WBP1L: variants seen among roughly 807,000 people sequenced by gnomAD.
WBP1L encodes WW domain binding protein 1-like.
In WBP1L, 17 loss-of-function variants were observed where a neutral mutation model predicts 33.7. The ratio of observed to expected loss-of-function variants is 0.50; its 90% CI spans 0.34 to 0.76. The LOEUF (loss-of-function observed/expected upper bound fraction) is 0.76, where lower values mean the gene tolerates loss of function less well. Among genes scored for constraint, WBP1L ranks in the 30% least tolerant of loss-of-function variants. WBP1L has a pLI of 0.01. For synonymous variants in WBP1L, 173 were observed against 190.8 expected (o/e 0.91, Z 0.77); for missense variants, 389 against 469.4 (o/e 0.83, Z 1.58).
At chr10:102,787,112 A>G (rs1340482533) in intron 1 of WBP1L, among the ~76,000 whole-genome samples, 1 of 152,214 alleles carries the variant, frequency 6.6e-6, no homozygotes, top group Non-Finnish European at 1.5e-5. Context: ...ATAAAAATCC[A>G]TTCCTAGTGT....
At chr10:102,754,884 T>TATTC (rs1305824136) in intron 1 of WBP1L, among the ~76,000 whole-genome samples, 1 of 79,616 alleles carries the variant, frequency 1.3e-5, no homozygotes, top group East Asian at 2.4e-4. Flanking sequence ...TTGTTTTATT[T>TATTC]ATTTATTTAT....
Position 102,812,923 on chromosome 10 carries a change from C to T in WBP1L, c.684C>T (p.Asp228=), listed in dbSNP as rs761279147. 3 of 1,589,146 alleles carry T rather than the reference C, an allele frequency of 1.9e-6. No homozygotes were observed. Among genetic ancestry groups the T allele is most frequent in the Non-Finnish European group, 2.6e-6 (3 of 1,165,122 alleles). The change falls in exon 4 of 4, where the codon GAC becomes GAT. Residue 228 remains aspartate (D), a synonymous_variant. Transcript: ENST00000448841. The stretch of plus-strand genomic sequence containing the variant: ...CTGTGGCTGGCCTGGGGGAGCTGGA[C>T]CCGGGGGCCTTCCTGGACAAAGATG... ...SGSVAGLGEL[D]PGAFLDKDAE...
At position 102,744,306 on chromosome 10, in the gene WBP1L, G is replaced by A. The variant is rs999776999; in HGVS notation, c.90+163G>A. On this transcript the variant is annotated intron_variant, in intron 1 of 3. Coordinates refer to ENST00000448841, the MANE Select transcript of WBP1L (RefSeq NM_001083913.2). ...AAAGGGGCGTCGGTATTTAGCTGAGGGACACCTGTGACAGTTTTGGTGTCA... is the reference window on the plus strand; with the variant it reads ...AAAGGGGCGTCGGTATTTAGCTGAGAGACACCTGTGACAGTTTTGGTGTCA... 12 of 928,944 alleles carry A rather than the reference G, an allele frequency of 1.3e-5. No homozygotes were observed. In the African/African-American group the frequency reaches 2.1e-4, roughly 17 times the overall value. The allele number at this position is 928,944 out of a possible 1,614,324, so 57.5% of individuals were successfully genotyped here. A position where few individuals can be genotyped will look rare whatever the true frequency, so the allele number is the denominator to read the frequency against.
intron 1 of WBP1L, among the ~76,000 whole-genome samples, chr10:102,751,643 A>C (rs1202388808): frequency 2.6e-5 from 4 of 152,206 alleles, no homozygotes; most frequent in Non-Finnish European, 5.9e-5. Flanking sequence ...TAAACTAAAT[A>C]GCTGTATGTA....
intron 2 of WBP1L, among the ~76,000 whole-genome samples, chr10:102,806,548 G>A (rs1452411136): frequency 6.6e-6 from 1 of 152,120 alleles, no homozygotes; most frequent in Non-Finnish European, 1.5e-5. Context: ...AGAAACATAA[G>A]TTAAGCAAGT....
chr10:102,807,431 G>A (rs1371764576), intron 2 of WBP1L, among the ~76,000 whole-genome samples: 1 of 151,986 alleles, frequency 6.6e-6, no homozygotes, highest in Non-Finnish European at 1.5e-5. Context: ...AGGCTGGAGT[G>A]CAGTGGCGTG....
intron 3 of WBP1L, among the ~76,000 whole-genome samples, chr10:102,810,470 C>T (rs1843817003): frequency 3.2e-5 from 2 of 63,364 alleles, no homozygotes; most frequent in Non-Finnish European, 6.8e-5. Context: ...TCCTTCCTTC[C>T]TTCCCTCCTT....
chr10:102,778,375 ACT>A (rs1284453656), intron 1 of WBP1L, among the ~76,000 whole-genome samples: 2 of 152,198 alleles, frequency 1.3e-5, no homozygotes, highest in East Asian at 3.9e-4. Flanking sequence ...CTACCGAGAC[ACT>A]GTTAATCTTA....
intron 2 of WBP1L, among the ~76,000 whole-genome samples, chr10:102,809,482 G>A (rs2778034): frequency 0.25 from 37,727 of 149,622 alleles, 4,825 homozygotes; most frequent in Admixed American, 0.29. Context: ...AGTGATTCTC[G>A]TGCCTCAGCC....
chr10:102,762,529 GGTC>G, intron 1 of WBP1L, among the ~76,000 whole-genome samples: 1 of 152,252 alleles, frequency 6.6e-6, no homozygotes, highest in East Asian at 1.9e-4. Flanking sequence ...TACTTGAACA[GGTC>G]TAGTAGTGGC....
chr10:102,750,067 C>T (rs559618185), intron 1 of WBP1L, among the ~76,000 whole-genome samples: 34 of 151,536 alleles, frequency 2.2e-4, no homozygotes, highest in Non-Finnish European at 4.1e-4. Context: ...CAGGCGTTAG[C>T]GACCACGCCT....
chr10:102,796,631 T>G (rs1843577255), intron 1 of WBP1L, among the ~76,000 whole-genome samples: 1 of 152,230 alleles, frequency 6.6e-6, no homozygotes, highest in Non-Finnish European at 1.5e-5. Context: ...GTGGCTTTAG[T>G]TTATTTGCTG....
intron 1 of WBP1L, among the ~76,000 whole-genome samples, chr10:102,764,155 C>A (rs1371537409): frequency 1.3e-5 from 2 of 152,114 alleles, no homozygotes; most frequent in Non-Finnish European, 2.9e-5. Flanking sequence ...TCCTTAAAAC[C>A]CTGAGTTCTC....
intron 1 of WBP1L, among the ~76,000 whole-genome samples, chr10:102,773,740 A>T (rs1259827888): frequency 6.6e-6 from 1 of 152,088 alleles, no homozygotes; most frequent in Non-Finnish European, 1.5e-5. Flanking sequence ...AATTAAAAAA[A>T]CTTAGCTGAG....
rs1346373916 is a variant in WBP1L at position 102,814,376 on chromosome 10, C to A, written c.*1045C>A. ...CTGCGGGCCTTCAAGTCTCACTGTTCCGTATGAGGAAACAGACAGCGGACT... is the reference window on the plus strand; with the variant it reads ...CTGCGGGCCTTCAAGTCTCACTGTTACGTATGAGGAAACAGACAGCGGACT... On this transcript the variant is annotated 3_prime_UTR_variant, in exon 4 of 4. Coordinates refer to ENST00000448841, the MANE Select transcript of WBP1L (RefSeq NM_001083913.2). 6.6e-6 allele frequency: 1 copy of A among 152,584 alleles called. No homozygotes were observed. The highest frequency in any genetic ancestry group is 1.5e-5 in the Non-Finnish European group (1 of 68,044). 9.5% of individuals were successfully genotyped at this position (152,584 alleles called of 1,614,324 possible).
intron 2 of WBP1L, among the ~76,000 whole-genome samples, chr10:102,798,729 C>T: frequency 6.6e-6 from 1 of 152,312 alleles, no homozygotes; most frequent in Non-Finnish European, 1.5e-5. Flanking sequence ...GGCTGGCTTG[C>T]TGTTTTTGCA....
chr10:102,803,478 A>G (rs1050960392), intron 2 of WBP1L, among the ~76,000 whole-genome samples: 3 of 152,086 alleles, frequency 2.0e-5, no homozygotes, highest in Admixed American at 1.3e-4. Context: ...AGCATGACAA[A>G]TGCACCCCAC....
intron 1 of WBP1L, among the ~76,000 whole-genome samples, chr10:102,764,452 G>A (rs1843083604): frequency 3.3e-5 from 5 of 152,172 alleles, no homozygotes; most frequent in African/African-American, 1.2e-4. Context: ...TGTTTTTGAA[G>A]TAGGTTTACT....
At chr10:102,807,075 AAC>A (rs1389247008) in intron 2 of WBP1L, among the ~76,000 whole-genome samples, 1 of 152,198 alleles carries the variant, frequency 6.6e-6, no homozygotes, top group East Asian at 1.9e-4. Flanking sequence ...TAAAATTTTA[AAC>A]ACAAATTTAT....
Sources: gnomAD v4.1 joint callset for allele counts (sites outside exome capture counted in the v4.1 genomes callset) on GRCh38, gnomAD v4.1.1 for gene constraint, MANE v1.5 for transcripts, NCBI Gene and HGNC (gene_info 2026-07-23, HGNC 2026-07-21) for gene names.